B3GALT5: variants seen among roughly 807,000 people sequenced by gnomAD.
B3GALT5 encodes UDP-Gal:betaGlcNAc beta 1,3-galactosyltransferase, polypeptide 5.
For missense variants in B3GALT5, 328 were observed against 396.6 expected (o/e 0.83, Z 1.47); for synonymous variants, 156 against 158.6 (o/e 0.98, Z 0.12).
chr21:39,652,435 A>G (rs1477233351), intron 2 of B3GALT5, among the ~76,000 whole-genome samples: 1 of 152,250 alleles, frequency 6.6e-6, no homozygotes, highest in Non-Finnish European at 1.5e-5. Flanking sequence ...TGAGGCAGGC[A>G]GTGTTATTGC....
chr21:39,615,525 AC>A (rs2079103100), intron 1 of B3GALT5, among the ~76,000 whole-genome samples: 1 of 152,220 alleles, frequency 6.6e-6, no homozygotes, highest in African/African-American at 2.4e-5. Context: ...GTCGTTTGGG[AC>A]CAAGTTGGGT....
chr21:39,640,705 G>C (rs1035651176), intron 1 of B3GALT5, among the ~76,000 whole-genome samples: 1 of 139,008 alleles, frequency 7.2e-6, no homozygotes, highest in African/African-American at 2.7e-5. Flanking sequence ...TTTTTTTTTT[G>C]AGAATGAAGA....
At position 39,661,739 on chromosome 21, in the gene B3GALT5, AG is replaced by A; in HGVS notation, c.*251del. ...ACATACACCTGGATTTTTGCATTTC[AG>A]GGGTCAGTATCCTATGACATGATGG... On this transcript the variant is annotated 3_prime_UTR_variant, in exon 4 of 4. Coordinates refer to ENST00000684187, the MANE Select transcript of B3GALT5 (RefSeq NM_001356336.2). The surrounding 1 kb of genome is among the most constrained non-coding windows in gnomAD (Gnocchi z 4.7). The A allele has an allele frequency of 2.5e-6, 1 of 393,688 alleles. No individual in the cohort carries two copies. Among genetic ancestry groups the A allele is most frequent in the Non-Finnish European group, 4.7e-6 (1 of 212,462 alleles). The allele number at this position is 393,688 out of a possible 1,614,324, so 24.4% of individuals were successfully genotyped here.
intron 1 of B3GALT5, among the ~76,000 whole-genome samples, chr21:39,619,338 C>T (rs1177056491): frequency 6.6e-6 from 1 of 152,052 alleles, no homozygotes; most frequent in African/African-American, 2.4e-5. Flanking sequence ...GGCCACCAAC[C>T]CTATTGAATT....
chr21:39,652,989 G>A (rs1208935707), intron 2 of B3GALT5, among the ~76,000 whole-genome samples: 1 of 152,088 alleles, frequency 6.6e-6, no homozygotes. Flanking sequence ...AGTGAAGTGT[G>A]CAAATCTTCG....
At chr21:39,639,452 CTTTTTT>C (rs1213669228) in intron 1 of B3GALT5, among the ~76,000 whole-genome samples, 48 of 118,956 alleles carry the variant, frequency 4.0e-4, no homozygotes, top group South Asian at 1.4e-3. Flanking sequence ...TTCTTTCTTT[CTTTTTT>C]TCTTTCTCTC....
intron 1 of B3GALT5, among the ~76,000 whole-genome samples, chr21:39,645,570 C>T (rs1455317805): frequency 6.6e-6 from 1 of 152,164 alleles, no homozygotes; most frequent in Non-Finnish European, 1.5e-5. Context: ...TGGCTGACAC[C>T]ACGTGGTGTC....
Position 39,661,386 on chromosome 21 carries a change from G to C in B3GALT5, c.827G>C (p.Cys276Ser). The C allele has an allele frequency of 6.3e-7, 1 of 1,590,294 alleles. No individual in the cohort carries two copies. Among genetic ancestry groups the C allele is most frequent in the Non-Finnish European group, 8.6e-7 (1 of 1,168,846 alleles). The change falls in exon 4 of 4, where the codon TGC becomes TCC. Residue 276 changes from cysteine (C) to serine (S), a missense_variant. Coordinates refer to ENST00000684187, the MANE Select transcript of B3GALT5 (RefSeq NM_001356336.2). The surrounding 1 kb of genome is among the most constrained non-coding windows in gnomAD (Gnocchi z 4.7). ...CCAGGGGGCTTACGCTTCTCCGTAT[G>C]CCTCTTCAGGAGGATCGTGGCCTGC... ...FFPGGLRFSV[C>S]LFRRIVACHF...
intron 1 of B3GALT5, among the ~76,000 whole-genome samples, chr21:39,620,710 A>G (rs904574001): frequency 5.3e-5 from 8 of 152,220 alleles, no homozygotes; most frequent in Non-Finnish European, 1.2e-4. Context: ...AAAATAGCAT[A>G]TGATAATAAA....
At chr21:39,644,257 G>A (rs900862778) in intron 1 of B3GALT5, among the ~76,000 whole-genome samples, 1 of 152,122 alleles carries the variant, frequency 6.6e-6, no homozygotes, top group African/African-American at 2.4e-5. Context: ...TCTGTCCTAC[G>A]TCCCCAACAC....
rs1054832205 is a variant in B3GALT5, at chr21:39,668,867, A to G, written c.*7375A>G. ...ATAGTAGTTCCCGCCTCATGGGATGATCATGTGGGTTAAATGAGAGGATGA... is the reference window on the plus strand; with the variant it reads ...ATAGTAGTTCCCGCCTCATGGGATGGTCATGTGGGTTAAATGAGAGGATGA... On this transcript the variant is annotated 3_prime_UTR_variant, in exon 4 of 4. Transcript: ENST00000684187. 8 of 152,222 alleles carry G rather than the reference A, an allele frequency of 5.3e-5. No individual in the cohort carries two copies. The highest frequency in any genetic ancestry group is 1.0e-4 in the Non-Finnish European group (7 of 68,038). The allele number at this position is 152,222 out of a possible 1,614,324, so 9.4% of individuals were successfully genotyped here. A position where few individuals can be genotyped will look rare whatever the true frequency, so the allele number is the denominator to read the frequency against.
intron 1 of B3GALT5, among the ~76,000 whole-genome samples, chr21:39,614,801 C>T (rs1252722763): frequency 6.6e-6 from 1 of 152,148 alleles, no homozygotes; most frequent in African/African-American, 2.4e-5. Flanking sequence ...GGGGATGCCC[C>T]CCATGCATGC....
intron 1 of B3GALT5, among the ~76,000 whole-genome samples, chr21:39,638,993 T>C (rs1193982926): frequency 6.6e-6 from 1 of 152,192 alleles, no homozygotes; most frequent in East Asian, 1.9e-4. Context: ...CGTGTACAGC[T>C]CTTCAATCTT....
At chr21:39,625,399 A>T (rs2079158597) in intron 1 of B3GALT5, among the ~76,000 whole-genome samples, 2 of 152,030 alleles carry the variant, frequency 1.3e-5, no homozygotes, top group Admixed American at 1.3e-4. Context: ...TATTTATCTG[A>T]TTTCCTCATT....
chr21:39,656,885 A>T (rs1307271425), intron 2 of B3GALT5, among the ~76,000 whole-genome samples: 1 of 152,148 alleles, frequency 6.6e-6, no homozygotes, highest in Admixed American at 6.5e-5. Context: ...TTCAAAATGT[A>T]CCCAGCAACC....
chr21:39,656,809 C>T (rs553015288), intron 2 of B3GALT5, among the ~76,000 whole-genome samples: 11 of 152,334 alleles, frequency 7.2e-5, no homozygotes, highest in Middle Eastern at 3.4e-3. Context: ...CCAGATTTCC[C>T]GTTAGAGAGC....
chr21:39,644,809 GC>G, intron 1 of B3GALT5, among the ~76,000 whole-genome samples: 1 of 152,272 alleles, frequency 6.6e-6, no homozygotes, highest in African/African-American at 2.4e-5. Flanking sequence ...AAAATGATTT[GC>G]TAAGATTATC....
At chr21:39,656,370 T>G (rs951805918) in intron 2 of B3GALT5, among the ~76,000 whole-genome samples, 2 of 152,172 alleles carry the variant, frequency 1.3e-5, no homozygotes, top group African/African-American at 4.8e-5. Flanking sequence ...CTCCCCGGGT[T>G]TCCTTGGTCT....
At chr21:39,655,772 C>G (rs765838198) in intron 2 of B3GALT5, among the ~76,000 whole-genome samples, 16 of 152,126 alleles carry the variant, frequency 1.1e-4, no homozygotes, top group Non-Finnish European at 2.2e-4. Flanking sequence ...GCCAGGCTGG[C>G]GTCAGTCTGG....
Sources: allele counts gnomAD v4.1 joint callset (sites outside exome capture counted in the v4.1 genomes callset), GRCh38; gene constraint gnomAD v4.1.1; non-coding constraint Gnocchi (gnomAD v3.1); transcripts MANE v1.5; gene names NCBI Gene and HGNC (gene_info 2026-07-23, HGNC 2026-07-21).